Variants in ESRRG observed in about 807,000 individuals in gnomAD.
ESRRG encodes estrogen related receptor gamma.
In ESRRG, 13 loss-of-function variants were observed where a neutral mutation model predicts 44.0. That is an observed-to-expected ratio of 0.30 (90% CI 0.19 to 0.47). ESRRG has a LOEUF of 0.47. ESRRG is among the 20% of genes least tolerant of loss of function. The probability of loss-of-function intolerance (pLI) is 1.00; values close to 1 mark genes in which losing one functional copy is unlikely to be tolerated. For missense variants in ESRRG, 395 were observed against 580.6 expected (o/e 0.68, Z 3.29); for synonymous variants, 215 against 214.6 (o/e 1.00, Z -0.02).
At chr1:217,015,425 A>G (rs1426062851) in intron 1 of ESRRG, among the ~76,000 whole-genome samples, 1 of 152,216 alleles carries the variant, frequency 6.6e-6, no homozygotes, top group Non-Finnish European at 1.5e-5. Flanking sequence ...TAAAATATAT[A>G]AAACATAAAT....
chr1:216,685,441 G>A (rs1012363572), intron 1 of ESRRG, among the ~76,000 whole-genome samples: 45 of 152,232 alleles, frequency 3.0e-4, no homozygotes, highest in African/African-American at 8.9e-4. Context: ...GATCAATAAA[G>A]TTTGCTTGTG....
rs535951109 is a variant in ESRRG at position 216,697,467 on chromosome 1, A to C, written c.57-19976T>G. Among the ~76,000 whole-genome samples the C allele has an allele frequency of 3.9e-5, 6 of 152,270 alleles. No individual in the cohort carries two copies. The East Asian group carries it at 1.2e-3, about 29-fold the overall frequency. On this transcript the variant is annotated intron_variant, in intron 1 of 6. Coordinates refer to ENST00000408911, the MANE Select transcript of ESRRG (RefSeq NM_001438.4). Reference sequence around the variant, plus strand: ...CATCAATTTACACAATGTTATACCAAATGATTTCCTTAATTCTCAGTACCT... The same window carrying C: ...CATCAATTTACACAATGTTATACCACATGATTTCCTTAATTCTCAGTACCT...
At chr1:217,081,304 C>G (rs1249852338) in intron 1 of ESRRG, among the ~76,000 whole-genome samples, 2 of 135,352 alleles carry the variant, frequency 1.5e-5, no homozygotes, top group African/African-American at 5.7e-5. Flanking sequence ...CTCGGCTCAC[C>G]GCAACCTCCG....
At chr1:216,555,475 A>C (rs2057339362) in intron 5 of ESRRG, among the ~76,000 whole-genome samples, 2 of 152,000 alleles carry the variant, frequency 1.3e-5, no homozygotes, top group African/African-American at 4.8e-5. Flanking sequence ...TGCACAAAAT[A>C]TAGTGTGTGT....
intron 5 of ESRRG, among the ~76,000 whole-genome samples, chr1:216,535,099 G>T (rs756919607): frequency 2.0e-5 from 3 of 152,126 alleles, no homozygotes; most frequent in Admixed American, 6.5e-5. Context: ...ATAGGCAAAA[G>T]AATGTAATAT....
At chr1:216,962,792 C>T (rs1292088331) in intron 1 of ESRRG, among the ~76,000 whole-genome samples, 2 of 152,060 alleles carry the variant, frequency 1.3e-5, no homozygotes, top group African/African-American at 4.8e-5. Flanking sequence ...GCAGAGAAAA[C>T]TTAGAGCTCA....
intron 1 of ESRRG, among the ~76,000 whole-genome samples, chr1:216,681,443 C>A (rs1264406084): frequency 6.6e-6 from 1 of 152,068 alleles, no homozygotes; most frequent in Non-Finnish European, 1.5e-5. Flanking sequence ...TCCCTCCCTG[C>A]TCCCCCCACC....
At chr1:216,957,401 T>C (rs976158056) in intron 1 of ESRRG, among the ~76,000 whole-genome samples, 7 of 152,220 alleles carry the variant, frequency 4.6e-5, no homozygotes, top group Admixed American at 1.3e-4. Flanking sequence ...GGATCGAATA[T>C]GCATATTTGT....
At chr1:216,575,330 T>A (rs554590422) in intron 3 of ESRRG, among the ~76,000 whole-genome samples, 117 of 152,264 alleles carry the variant, frequency 7.7e-4, no homozygotes, top group African/African-American at 2.6e-3. Flanking sequence ...TAGATTATGA[T>A]ATTGTTAAAT....
intron 1 of ESRRG, among the ~76,000 whole-genome samples, chr1:217,134,101 C>T (rs1476132506): frequency 2.6e-5 from 4 of 152,098 alleles, no homozygotes; most frequent in Admixed American, 6.5e-5. Flanking sequence ...GCGGGCGCCC[C>T]GGGTCCTGTC....
At position 216,741,217 on chromosome 1, in the gene ESRRG, A is replaced by G. The variant is rs193152260; in HGVS notation, c.-13-63726T>C. Among the ~76,000 whole-genome samples, 473 of 146,976 alleles carry G rather than the reference A, an allele frequency of 3.2e-3. 5 individuals carry two copies. Among genetic ancestry groups the G allele is most frequent in the East Asian group, 0.025 (126 of 5,072 alleles). ...TATATTTATAATTTATATAATTTAT[A>G]TTATATAATTTATATTTATAATTTA... On this transcript the variant is annotated intron_variant, in intron 2 of 7. Transcript: ENST00000359162.
intron 2 of ESRRG, among the ~76,000 whole-genome samples, chr1:216,900,145 A>C (rs2058898101): frequency 6.6e-6 from 1 of 152,208 alleles, no homozygotes; most frequent in Admixed American, 6.5e-5. Flanking sequence ...TCATTATAAA[A>C]GATTTAAACA....
rs773961765 is a variant in ESRRG, at chr1:217,073,799, C to T, written c.-106+15708G>A. Among the ~76,000 whole-genome samples, 11 of 149,106 alleles carry T rather than the reference C, an allele frequency of 7.4e-5. 1 individual carries two copies. Among genetic ancestry groups the T allele is most frequent in the African/African-American group, 1.5e-4 (6 of 40,444 alleles). On this transcript the variant is annotated intron_variant, in intron 1 of 7. Transcript: ENST00000359162. The stretch of plus-strand genomic sequence containing the variant: ...AGAGAAAGAGAAGTAAAGAAAAGAG[C>T]GAAGGAAAAAAGGGGAGAGAAGAGA...
At chr1:216,846,951 C>G (rs923570189) in intron 2 of ESRRG, among the ~76,000 whole-genome samples, 1 of 151,994 alleles carries the variant, frequency 6.6e-6, no homozygotes, top group East Asian at 1.9e-4. Context: ...TGCAACAGTG[C>G]AGTCACTAAA....
chr1:216,900,111 A>G (rs1365269955), intron 2 of ESRRG, among the ~76,000 whole-genome samples: 1 of 152,152 alleles, frequency 6.6e-6, no homozygotes, highest in Non-Finnish European at 1.5e-5. Flanking sequence ...ATTTTACCCT[A>G]CAGAATCAGG....
intron 3 of ESRRG, among the ~76,000 whole-genome samples, chr1:216,625,803 C>T (rs1532500): frequency 0.4 from 60,045 of 151,986 alleles, 12,431 homozygotes; most frequent in East Asian, 0.53. Flanking sequence ...GTGGACATGG[C>T]ATTTTACTCA....
chr1:216,735,229 G>A (rs1346671869), intron 2 of ESRRG, among the ~76,000 whole-genome samples: 2 of 150,790 alleles, frequency 1.3e-5, no homozygotes, highest in African/African-American at 2.4e-5. Context: ...TTGTTTTTGA[G>A]ACAGGGTCTG....
intron 6 of ESRRG, among the ~76,000 whole-genome samples, chr1:216,514,259 T>A (rs541320835): frequency 6.6e-6 from 1 of 152,102 alleles, no homozygotes; most frequent in South Asian, 2.1e-4. Context: ...CTAAATAGAA[T>A]TAAAATAATC....
At chr1:217,010,509 A>G (rs905872775) in intron 1 of ESRRG, among the ~76,000 whole-genome samples, 17 of 152,178 alleles carry the variant, frequency 1.1e-4, no homozygotes, top group African/African-American at 4.1e-4. Flanking sequence ...GGCTCTGATT[A>G]CCATTGTGAT....
Sources: allele counts gnomAD v4.1 joint callset (sites outside exome capture counted in the v4.1 genomes callset), GRCh38; gene constraint gnomAD v4.1.1; transcripts MANE v1.5; gene names NCBI Gene and HGNC (gene_info 2026-07-23, HGNC 2026-07-21).